LIPH: variants seen among roughly 807,000 people sequenced by gnomAD.
The protein encoded by LIPH is lipase member H.
Under a neutral mutation model 47.6 loss-of-function variants are expected in LIPH, and 32 were observed. The ratio of observed to expected loss-of-function variants is 0.67; its 90% CI spans 0.51 to 0.90. The LOEUF is 0.90. LIPH is among the 40% of genes least tolerant of loss of function. The probability of loss-of-function intolerance (pLI) is 0.00; values close to 1 mark genes in which losing one functional copy is unlikely to be tolerated. For synonymous variants in LIPH, 190 were observed against 195.6 expected, an observed-to-expected ratio of 0.97 and a Z score of 0.24; for missense variants, 497 against 541.4, an observed-to-expected ratio of 0.92 and a Z score of 0.81.
intron 1 of LIPH, among the ~76,000 whole-genome samples, chr3:185,543,782 T>C (rs7624914): frequency 0.019 from 2,871 of 152,084 alleles, 89 homozygotes; most frequent in African/African-American, 0.065. Flanking sequence ...ATAAAGTACA[T>C]GTCCATTGCT....
chr3:185,508,461 C>T lies in LIPH; in HGVS notation c.*329G>A, dbSNP rs1027750939. ...GTCCTTCCCTTGAAGATGCTTGACC[C>T]GCAGCCGCGATGGGCAGAACCACCC... On this transcript the variant is annotated 3_prime_UTR_variant, in exon 10 of 10. Coordinates refer to ENST00000296252, the MANE Select transcript of LIPH (RefSeq NM_139248.3). 5.9e-6 allele frequency: 2 copies of T among 338,540 alleles called. No individual in the cohort carries two copies. The highest frequency in any genetic ancestry group is 1.1e-5 in the Non-Finnish European group (2 of 176,446). The allele number at this position is 338,540 out of a possible 1,614,324, so 21.0% of individuals were successfully genotyped here. A position where few individuals can be genotyped will look rare whatever the true frequency, so the allele number is the denominator to read the frequency against.
chr3:185,547,948 C>G (rs1185521718), intron 1 of LIPH, among the ~76,000 whole-genome samples: 1 of 152,180 alleles, frequency 6.6e-6, no homozygotes, highest in Non-Finnish European at 1.5e-5. Context: ...GGGATACAAG[C>G]TCATTACACG....
At chr3:185,524,567 A>G (rs1371133661) in intron 4 of LIPH, among the ~76,000 whole-genome samples, 1 of 149,844 alleles carries the variant, frequency 6.7e-6, no homozygotes, top group Non-Finnish European at 1.5e-5. Flanking sequence ...TTCCTGCCTC[A>G]GCCTCCCGAG....
Position 185,527,485 on chromosome 3 carries a change from A to T in LIPH, c.627T>A (p.Asp209Glu). The change falls in exon 4 of 10, where the codon GAT (aspartate) becomes GAA (glutamate). Residue 209 changes from aspartate to glutamate, a missense_variant and splice_region_variant. Coordinates refer to ENST00000296252, the MANE Select transcript of LIPH (RefSeq NM_139248.3). ...GACCCACAAGGAAAGGAGCGTTACCATCAGTGTCGGAATGGATGACATCAA... is the reference window on the plus strand; with the variant it reads ...GACCCACAAGGAAAGGAGCGTTACCTTCAGTGTCGGAATGGATGACATCAA... ...QFVDVIHSDTDALGYKEPLGN... is the reference protein window; with the variant it reads ...QFVDVIHSDTEALGYKEPLGN... The T allele has an allele frequency of 6.2e-7, 1 of 1,605,722 alleles. No individual in the cohort carries two copies. Among genetic ancestry groups the T allele is most frequent in the Non-Finnish European group, 8.5e-7 (1 of 1,172,880 alleles).
At chr3:185,525,866 C>T (rs1720052693) in intron 4 of LIPH, among the ~76,000 whole-genome samples, 2 of 152,170 alleles carry the variant, frequency 1.3e-5, no homozygotes, top group African/African-American at 2.4e-5. Context: ...TTGTTGGACA[C>T]CACACCAGAA....
chr3:185,544,297 G>T (rs1292363291), intron 1 of LIPH, among the ~76,000 whole-genome samples: 1 of 151,610 alleles, frequency 6.6e-6, no homozygotes, highest in Non-Finnish European at 1.5e-5. Flanking sequence ...CTATTTTCTT[G>T]TACTGAATTC....
rs780890640 is a variant in LIPH, at chr3:185,534,663, A to G, written c.417+102T>C. On this transcript the variant is annotated intron_variant, in intron 2 of 9. Transcript: ENST00000296252. ...CTTATTCACATTTGCAAAATGTTGC[A>G]ATATAGGCCTCCTGCTCACTGTAGC... 4.6e-5 allele frequency: 56 copies of G among 1,213,890 alleles called. No homozygotes were observed. The Middle Eastern group carries it at 1.1e-3, about 24-fold the overall frequency. 75.2% of individuals were successfully genotyped at this position (1,213,890 alleles called of 1,614,324 possible).
rs980777656 is a variant in LIPH at position 185,508,683 on chromosome 3, T to G, written c.*107A>C. 14 of 834,720 alleles carry G rather than the reference T, an allele frequency of 1.7e-5. 1 individual carries two copies. The East Asian group carries it at 3.5e-4, about 21-fold the overall frequency. The allele number at this position is 834,720 out of a possible 1,614,324, so 51.7% of individuals were successfully genotyped here. ...AGGACGCTACTGAAAAAAGCCTTGG[T>G]TTTTTTCATACTTTTTCTGCCTTGC... is the stretch of plus-strand genomic sequence containing the variant. On this transcript the variant is annotated 3_prime_UTR_variant, in exon 10 of 10. Coordinates refer to ENST00000296252, the MANE Select transcript of LIPH (RefSeq NM_139248.3).
In LIPH at chr3:185,545,818, A is replaced by C. The variant is rs1020314990; in HGVS notation, c.49+6605T>G. On this transcript the variant is annotated intron_variant, in intron 1 of 9. Coordinates refer to ENST00000296252, the MANE Select transcript of LIPH (RefSeq NM_139248.3). ...CCTATTAGCTATGTGACCCCTGGTA[A>C]TTAATTGCCTAACCTCTCTGGGCCT... Among the ~76,000 whole-genome samples, 7 of 152,140 alleles carry C rather than the reference A, an allele frequency of 4.6e-5. 1 individual carries two copies. Among genetic ancestry groups the C allele is most frequent in the Admixed American group, 2.6e-4 (4 of 15,280 alleles).
intron 1 of LIPH, among the ~76,000 whole-genome samples, chr3:185,546,676 G>A (rs1199306485): frequency 1.3e-5 from 2 of 152,112 alleles, no homozygotes; most frequent in Non-Finnish European, 2.9e-5. Flanking sequence ...TGCACATGCT[G>A]GTGGTCCCAG....
At chr3:185,527,667 G>A in intron 3 of LIPH, 82 bp from the exon 4 acceptor site, 1 of 894,466 alleles carries the variant, frequency 1.1e-6, no homozygotes, top group Non-Finnish European at 1.9e-6. Flanking sequence ...GGATGAGGGT[G>A]GCTCCCAGGC....
rs1721081778 is a variant in LIPH, at chr3:185,552,529, T to G, written c.-58A>C. 4.8e-6 allele frequency: 6 copies of G among 1,240,782 alleles called. No individual in the cohort carries two copies. Among genetic ancestry groups the G allele is most frequent in the Non-Finnish European group, 7.1e-6 (6 of 839,706 alleles). The allele number at this position is 1,240,782 out of a possible 1,614,324, so 76.9% of individuals were successfully genotyped here. On this transcript the variant is annotated 5_prime_UTR_variant, in exon 1 of 10. Coordinates refer to ENST00000296252, the MANE Select transcript of LIPH (RefSeq NM_139248.3). ...CAAGAATGATTTACTTCGCAGAGGCTTAAGAGTTTCCACTGTGGGATTTTG... is the reference window on the plus strand; with the variant it reads ...CAAGAATGATTTACTTCGCAGAGGCGTAAGAGTTTCCACTGTGGGATTTTG...
rs1577658880 is a variant in LIPH, at chr3:185,507,780, C to T, written c.*1010G>A. 1.3e-5 allele frequency: 2 copies of T among 152,256 alleles called. No homozygotes were observed. The highest frequency in any genetic ancestry group is 4.1e-4 in the South Asian group (2 of 4,828). 9.4% of individuals were successfully genotyped at this position (152,256 alleles called of 1,614,324 possible). On this transcript the variant is annotated 3_prime_UTR_variant, in exon 10 of 10. Coordinates refer to ENST00000296252, the MANE Select transcript of LIPH (RefSeq NM_139248.3). ...TAACATTAATTACCTCTAATAGGAT[C>T]GTGGACAGTATTTTTTTTTAATTTT...
At chr3:185,513,857 G>A (rs999942577) in intron 8 of LIPH, among the ~76,000 whole-genome samples, 2 of 152,082 alleles carry the variant, frequency 1.3e-5, no homozygotes, top group East Asian at 1.9e-4. Flanking sequence ...TGGCCAGCAC[G>A]GTGAAACCCC....
At chr3:185,523,974 G>A (rs777579174) in intron 5 of LIPH, 97 bp downstream of exon 5, 75 of 806,552 alleles carry the variant, frequency 9.3e-5, no homozygotes, top group Admixed American at 2.9e-4. Context: ...CACCCGTCTC[G>A]GCCTCCCAAA....
intron 6 of LIPH, 39 bp from the exon 7 acceptor site, chr3:185,517,201 A>C: frequency 9.0e-7 from 1 of 1,112,028 alleles, no homozygotes; most frequent in South Asian, 1.2e-5. Context: ...ATTAATATGT[A>C]TTATACAAAC....
chr3:185,517,923 A>G (rs544949182), intron 6 of LIPH, among the ~76,000 whole-genome samples: 1 of 152,318 alleles, frequency 6.6e-6, no homozygotes, highest in African/African-American at 2.4e-5. Flanking sequence ...TCCCTAGCGA[A>G]TATCCAAGCA....
chr3:185,535,746 G>A (rs1167051487), intron 1 of LIPH, among the ~76,000 whole-genome samples: 2 of 151,730 alleles, frequency 1.3e-5, no homozygotes, highest in African/African-American at 4.8e-5. Context: ...GGGATTACAG[G>A]CATCCACCAC....
chr3:185,543,038 G>A (rs960045049), intron 1 of LIPH, among the ~76,000 whole-genome samples: 3 of 151,650 alleles, frequency 2.0e-5, no homozygotes, highest in East Asian at 1.9e-4. Flanking sequence ...GCAAAACCCC[G>A]TCTCTACTAA....
Sources: gnomAD v4.1 joint callset for allele counts (sites outside exome capture counted in the v4.1 genomes callset) on GRCh38, gnomAD v4.1.1 for gene constraint, MANE v1.5 for transcripts, NCBI Gene and HGNC (gene_info 2026-07-23, HGNC 2026-07-21) for gene names.